The following CIC variants were observed in gnomAD, a reference collection of about 807,000 sequenced individuals.
The protein encoded by CIC is protein capicua homolog.
In CIC, 18 loss-of-function variants were observed where a neutral mutation model predicts 115.7. That is an observed-to-expected ratio of 0.16 (90% confidence interval 0.11 to 0.23). CIC has a LOEUF of 0.23. CIC is among the 10% of genes least tolerant of loss of function. CIC has a pLI of 1.00. For synonymous variants in CIC, 1,076 were observed against 923.0 expected (o/e 1.17, Z -3.01); for missense variants, 2,000 against 2,159.3 (o/e 0.93, Z 1.46).
In CIC at chr19:42,289,900, G is replaced by T; in HGVS notation, c.4140G>T (p.Val1380=). 1 of 1,610,438 alleles carries T rather than the reference G, an allele frequency of 6.2e-7. No homozygotes were observed. Among genetic ancestry groups the T allele is most frequent in the South Asian group, 1.1e-5 (1 of 90,070 alleles). The change falls in exon 10 of 21, where the codon GTG becomes GTT. Residue 1380 remains valine, a synonymous_variant. Transcript: ENST00000681038. ...TDIDLKCKER[V]TDSESGDSSG... is the part of the protein sequence containing the mutation. ...TTGATCTCAAGTGCAAGGAGCGGGT[G>T]ACCGACAGCGAGAGTGGGGACAGCT...
At chr19:42,285,191 T>C (rs1050835058) in intron 2 of CIC, among the ~76,000 whole-genome samples, 2 of 152,006 alleles carry the variant, frequency 1.3e-5, no homozygotes, top group African/African-American at 4.8e-5. Flanking sequence ...CTGCAGTGTG[T>C]GGTGTAGTTT....
rs1022339406 is a variant in CIC, at chr19:42,270,717, G to T, written c.-10-1057G>T. ...GATGCATGCAGGCAAGAAGAGGGGG[G>T]CTGGGCTTGCGGGTATCACGCTGGG... On this transcript the variant is annotated intron_variant, in intron 1 of 20. Transcript: ENST00000681038. This position sits in a 1 kb window ranked among gnomAD's most constrained non-coding sequence, Gnocchi z 4.1. Among the ~76,000 whole-genome samples, 1 of 152,094 alleles carries T rather than the reference G, an allele frequency of 6.6e-6. No individual in the cohort carries two copies. Among genetic ancestry groups the T allele is most frequent in the Admixed American group, 6.5e-5 (1 of 15,282 alleles).
rs748226343 is a variant in CIC at position 42,291,608 on chromosome 19, C to T, written c.5476C>T (p.Leu1826=). ...QAPPPGGSAQ[L]LPGKVLVPLA... is the part of the protein sequence containing the mutation. ...CCCGCCCCCGGGTGGCTCAGCCCAG[C>T]TGCTGCCTGGGAAGGTCCTAGTGCC... Residue 1826 remains leucine (L), a synonymous_variant, in exon 12 of 21, where the codon CTG becomes TTG. Coordinates refer to ENST00000681038, the MANE Select transcript of CIC (RefSeq NM_001386298.1). The T allele has an allele frequency of 8.7e-6, 14 of 1,612,930 alleles. No individual in the cohort carries two copies. In the African/African-American group the frequency reaches 1.1e-4, roughly 12 times the overall value.
intron 2 of CIC, among the ~76,000 whole-genome samples, chr19:42,281,777 G>T (rs991123152): frequency 6.8e-6 from 1 of 147,602 alleles, no homozygotes; most frequent in South Asian, 2.4e-4. Flanking sequence ...ACCCTGCCCC[G>T]GACGGGGCCT....
At position 42,291,660 on chromosome 19, in the gene CIC, G is replaced by C. The variant is rs141269383; in HGVS notation, c.5528G>C (p.Arg1843Pro). 7 of 1,612,886 alleles carry C rather than the reference G, an allele frequency of 4.3e-6. No homozygotes were observed. The highest frequency in any genetic ancestry group is 1.3e-5 in the African/African-American group (1 of 74,914). The change falls in exon 12 of 21, where the codon CGG becomes CCG. Residue 1843 changes from arginine (R) to proline (P), a missense_variant. By Grantham distance (103) the Arg-to-Pro change is moderately radical. This residue lies in a region of CIC where 1,466 missense variants were observed against 1,390.4 expected (regional missense o/e 1.05). Coordinates refer to ENST00000681038, the MANE Select transcript of CIC (RefSeq NM_001386298.1). ...CTGGCCGCCCCTAGCATGTCAGTGC[G>C]GGGTGGAGGGGCCGGCCAGCCACTG... ...VPLAAPSMSV[R>P]GGGAGQPLPL...
At position 42,273,163 on chromosome 19, in the gene CIC, G is replaced by C. The variant is rs967839771; in HGVS notation, c.1380G>C (p.Leu460=). 4.8e-5 allele frequency: 19 copies of C among 398,600 alleles called. No homozygotes were observed. In the East Asian group the frequency reaches 6.4e-4, roughly 13 times the overall value. 24.7% of individuals were successfully genotyped at this position (398,600 alleles called of 1,614,324 possible). ...GGSRSSSVAS[L]EKGTAPAARA... is the part of the protein sequence containing the mutation. Reference sequence around the variant, plus strand: ...GCCGCAGCAGCAGCGTGGCCTCCCTGGAAAAGGGGACAGCACCGGCAGCCC... The same window carrying C: ...GCCGCAGCAGCAGCGTGGCCTCCCTCGAAAAGGGGACAGCACCGGCAGCCC... The change falls in exon 2 of 21, where the codon CTG becomes CTC. Residue 460 remains leucine, a synonymous_variant. Coordinates refer to ENST00000681038, the MANE Select transcript of CIC (RefSeq NM_001386298.1).
At position 42,290,714 on chromosome 19, in the gene CIC, C is replaced by T. The variant is rs758817184; in HGVS notation, c.4673C>T (p.Ser1558Phe). ...EQEGGGARVP[S>F]APAPSLAYGA... ...GAGGGCGGCGGAGCCAGAGTGCCCT[C>T]CGCCCCCGCCCCATCACTGGCCTAT... The change falls in exon 11 of 21, where the codon TCC becomes TTC. Residue 1558 changes from serine to phenylalanine, a missense_variant. Physicochemically the swap from Ser to Phe is radical, Grantham distance 155 (BLOSUM62 -2). This residue lies in a region of CIC where 1,466 missense variants were observed against 1,390.4 expected (regional missense o/e 1.05). Transcript: ENST00000681038. 144 of 1,612,384 alleles carry T rather than the reference C, an allele frequency of 8.9e-5. No homozygotes were observed. Among genetic ancestry groups the T allele is most frequent in the Non-Finnish European group, 1.2e-4 (139 of 1,179,750 alleles).
intron 2 of CIC, among the ~76,000 whole-genome samples, chr19:42,275,195 G>A (rs1355598887): frequency 6.6e-6 from 1 of 152,182 alleles, no homozygotes; most frequent in Non-Finnish European, 1.5e-5. Flanking sequence ...TCATAGTGCT[G>A]GATTACAGAT....
In CIC at chr19:42,287,013, T is replaced by C. The variant is rs745737688; in HGVS notation, c.2952T>C (p.Ala984=). ...CTACCTCTGTGTCCCCAGAACCTGCTGAGTCGGCAGCTGTTGCTCATGAAC... is the reference window on the plus strand; with the variant it reads ...CTACCTCTGTGTCCCCAGAACCTGCCGAGTCGGCAGCTGTTGCTCATGAAC... The part of the protein sequence containing the change: ...PVASNQSKEP[A]ESAAVAHERP... Residue 984 remains alanine (A), a synonymous_variant, in exon 4 of 21, where the codon GCT becomes GCC. Transcript: ENST00000681038. This position sits in a 1 kb window ranked among gnomAD's most constrained non-coding sequence, Gnocchi z 8.7. The C allele has an allele frequency of 6.2e-7, 1 of 1,609,966 alleles. No individual in the cohort carries two copies. The highest frequency in any genetic ancestry group is 2.2e-5 in the East Asian group (1 of 44,874).
intron 8 of CIC, 22 bp downstream of exon 8, chr19:42,289,112 G>A: frequency 4.3e-6 from 7 of 1,613,368 alleles, no homozygotes; most frequent in Non-Finnish European, 5.9e-6. Flanking sequence ...AGGCCCCCTA[G>A]TGGGGGTGGG....
Position 42,291,632 on chromosome 19 carries a change from C to T in CIC, c.5500C>T (p.Pro1834Ser), listed in dbSNP as rs2147279970. The change falls in exon 12 of 21, where the codon CCT becomes TCT. Residue 1834 changes from proline to serine, a missense_variant. This residue lies in a region of CIC where 1,466 missense variants were observed against 1,390.4 expected (regional missense o/e 1.05). Transcript: ENST00000681038. ...GCTGCTGCCTGGGAAGGTCCTAGTG[C>T]CTCTGGCCGCCCCTAGCATGTCAGT... ...AQLLPGKVLV[P>S]LAAPSMSVRG... 6.2e-7 allele frequency: 1 copy of T among 1,613,014 alleles called. No homozygotes were observed. The highest frequency in any genetic ancestry group is 1.1e-5 in the South Asian group (1 of 91,074).
At chr19:42,281,097 TTCCCCAGGCAACCCTGGCCG>T (rs1302940439) in intron 2 of CIC, among the ~76,000 whole-genome samples, 1 of 142,084 alleles carries the variant, frequency 7.0e-6, no homozygotes, top group African/African-American at 2.5e-5. Context: ...CCTGGGCTCG[TTCCCCAGGCAACCCTGGCCG>T]TCGCCGACGC....
At position 42,287,906 on chromosome 19, in the gene CIC, C is replaced by T; in HGVS notation, c.3589C>T (p.Leu1197=). 2 of 1,609,838 alleles carry T rather than the reference C, an allele frequency of 1.2e-6. No individual in the cohort carries two copies. The highest frequency in any genetic ancestry group is 1.7e-6 in the Non-Finnish European group (2 of 1,178,174). ...SSEAKPTSLG[L]AGGHKETRER... ...AGAGGCCAAGCCCACGAGCCTGGGG[C>T]TGGCAGGAGGGCACAAGGAGACGCG... Residue 1197 remains leucine, a synonymous_variant, in exon 7 of 21, where the codon CTG becomes TTG. Coordinates refer to ENST00000681038, the MANE Select transcript of CIC (RefSeq NM_001386298.1). The surrounding 1 kb of genome is among the most constrained non-coding windows in gnomAD (Gnocchi z 8.7).
In CIC at chr19:42,292,626, AGCT is replaced by A; in HGVS notation, c.5966_5968del (p.Leu1989del). The A allele has an allele frequency of 1.2e-6, 2 of 1,613,430 alleles. No homozygotes were observed. Among genetic ancestry groups the A allele is most frequent in the Non-Finnish European group, 1.7e-6 (2 of 1,179,904 alleles). On this transcript the variant is annotated inframe_deletion, in exon 15 of 21. Coordinates refer to ENST00000681038, the MANE Select transcript of CIC (RefSeq NM_001386298.1). Reference sequence around the variant, plus strand: ...GGCGTGTCACCTGTGCCCAGTCCCCAGCTGCCGCCTGCCTGTGCAGCCCCCGGA... The same window carrying A: ...GGCGTGTCACCTGTGCCCAGTCCCCAGCCGCCTGCCTGTGCAGCCCCCGGA...
At chr19:42,283,946 G>GGCGGCA (rs2037399238) in intron 2 of CIC, 3 of 150,422 alleles carry the variant, frequency 2.0e-5, no homozygotes. Flanking sequence ...CGCGCGCGGC[G>GGCGGCA]GCGGCAGCCA....
rs2147338883 is a variant in CIC, at chr19:42,293,944, G to A, written c.6777G>A (p.Leu2259=). The change falls in exon 18 of 21, where the codon CTG becomes CTA. Residue 2259 remains leucine, a synonymous_variant. Transcript: ENST00000681038. ...CCTGCCGGCCCTCCAGCAGGGTCCTGTCAGAAGTGGACTTCGAAGAGCGCT... is the reference window on the plus strand; with the variant it reads ...CCTGCCGGCCCTCCAGCAGGGTCCTATCAGAAGTGGACTTCGAAGAGCGCT... ...KTFDSVDNRV[L]SEVDFEERFA... is the part of the protein sequence containing the mutation. The A allele has an allele frequency of 6.2e-7, 1 of 1,613,270 alleles. No individual in the cohort carries two copies. Among genetic ancestry groups the A allele is most frequent in the Non-Finnish European group, 8.5e-7 (1 of 1,179,994 alleles).
rs1599840192 is a variant in CIC at position 42,269,263 on chromosome 19, T to G, written c.-129T>G. ...TTGCAGGTCCATTCACCATTTTGTG[T>G]GTTGGAGTAAAAAAAAAAGGGAGAA... On this transcript the variant is annotated 5_prime_UTR_variant, in exon 1 of 21. Transcript: ENST00000681038. 7.1e-6 allele frequency: 1 copy of G among 140,854 alleles called. No individual in the cohort carries two copies. Among genetic ancestry groups the G allele is most frequent in the Non-Finnish European group, 1.5e-5 (1 of 64,840 alleles). The allele number at this position is 140,854 out of a possible 1,614,324, so 8.7% of individuals were successfully genotyped here.
In CIC at chr19:42,292,830, C is replaced by T. The variant is rs2147313233; in HGVS notation, c.6167C>T (p.Ala2056Val). The change falls in exon 15 of 21, where the codon GCC (alanine) becomes GTC (valine). Residue 2056 changes from alanine to valine, a missense_variant. This residue lies in a region of CIC where 1,466 missense variants were observed against 1,390.4 expected (regional missense o/e 1.05). Transcript: ENST00000681038. ...CCAGCCCCTGCCACTGCCACCCCAG[C>T]CCCGACTAGCCCTTTCCCCAGCGCC... is the stretch of plus-strand genomic sequence containing the variant. ...GPPAPATATP[A>V]PTSPFPSATA... 6.2e-7 allele frequency: 1 copy of T among 1,613,886 alleles called. No homozygotes were observed. Among genetic ancestry groups the T allele is most frequent in the Non-Finnish European group, 8.5e-7 (1 of 1,180,004 alleles).
intron 2 of CIC, among the ~76,000 whole-genome samples, chr19:42,277,902 C>T (rs1022493521): frequency 2.0e-5 from 3 of 152,246 alleles, no homozygotes; most frequent in African/African-American, 7.2e-5. Flanking sequence ...CAGAGGCCTC[C>T]CTAAGCCCTT....
Sources: allele counts gnomAD v4.1 joint callset (sites outside exome capture counted in the v4.1 genomes callset), GRCh38; gene constraint gnomAD v4.1.1; regional missense constraint gnomAD v4.1.1; non-coding constraint Gnocchi (gnomAD v3.1); transcripts MANE v1.5; gene names NCBI Gene and HGNC (gene_info 2026-07-23, HGNC 2026-07-21).